DLGAP2: variants seen among roughly 807,000 people sequenced by gnomAD.
DLGAP2 encodes the protein disks large-associated protein 2.
Under a neutral mutation model 100.3 loss-of-function variants are expected in DLGAP2, and 26 were observed. The ratio of observed to expected loss-of-function variants is 0.26; its 90% confidence interval spans 0.19 to 0.36. The LOEUF is 0.36. DLGAP2 is among the 10% of genes least tolerant of loss of function. The probability of loss-of-function intolerance (pLI) is 1.00; values close to 1 mark genes in which losing one functional copy is unlikely to be tolerated. For synonymous variants in DLGAP2, 886 were observed against 630.1 expected (o/e 1.41, Z -6.08); for missense variants, 1,858 against 1,453.2 (o/e 1.28, Z -4.53).
At position 1,050,444 on chromosome 8, in the gene DLGAP2, C is replaced by T. The variant is rs1441330763; in HGVS notation, c.73+142478C>T. ...TGTAAGCTGATGCGTGTGTTCTGTG[C>T]ACATTCACGCTGGGCAAAGCTGAGC... On this transcript the variant is annotated intron_variant, in intron 2 of 14. Transcript: ENST00000637795. Among the ~76,000 whole-genome samples the T allele has an allele frequency of 2.0e-5, 3 of 152,174 alleles. No homozygotes were observed. The East Asian group carries it at 5.8e-4, about 29-fold the overall frequency.
intron 1 of DLGAP2, among the ~76,000 whole-genome samples, chr8:757,794 G>T (rs924447414): frequency 4.6e-5 from 7 of 152,202 alleles, no homozygotes; most frequent in Admixed American, 2.6e-4. Context: ...ATTCCCTGGT[G>T]CTCTGCATGA....
chr8:986,254 C>A (rs1316233634), intron 2 of DLGAP2, among the ~76,000 whole-genome samples: 9 of 152,162 alleles, frequency 5.9e-5, no homozygotes, highest in Admixed American at 5.9e-4. Flanking sequence ...CTGTGTCAGC[C>A]TGTTGAGCTG....
intron 2 of DLGAP2, among the ~76,000 whole-genome samples, chr8:1,093,538 C>T (rs574557760): frequency 2.6e-5 from 4 of 152,146 alleles, no homozygotes; most frequent in Admixed American, 2.0e-4. Flanking sequence ...CACCTTCACA[C>T]CAACAGCCAG....
intron 2 of DLGAP2, among the ~76,000 whole-genome samples, chr8:1,162,837 G>A (rs114767470): frequency 2.3e-4 from 35 of 152,320 alleles, no homozygotes; most frequent in African/African-American, 8.2e-4. Context: ...TCCCCTGGGT[G>A]CTGCTGTGGG....
chr8:1,576,347 C>A (rs1178468498), intron 6 of DLGAP2, among the ~76,000 whole-genome samples: 8 of 152,154 alleles, frequency 5.3e-5, no homozygotes, highest in Admixed American at 2.0e-4. Flanking sequence ...TATTTGAGTT[C>A]TTTGTAGATT....
chr8:1,392,121 C>G (rs1371394765), intron 3 of DLGAP2, among the ~76,000 whole-genome samples: 1 of 152,226 alleles, frequency 6.6e-6, no homozygotes, highest in Non-Finnish European at 1.5e-5. Context: ...ATTGCCTTAT[C>G]TACATCTCTA....
intron 14 of DLGAP2, 83 bp downstream of exon 14, chr8:1,697,382 A>G (rs1799428056): frequency 6.7e-7 from 1 of 1,496,080 alleles, no homozygotes. Context: ...GAGCATGACA[A>G]CGGGGTTCTC....
intron 1 of DLGAP2, among the ~76,000 whole-genome samples, chr8:758,737 T>C (rs1820983835): frequency 6.6e-6 from 1 of 152,046 alleles, no homozygotes; most frequent in African/African-American, 2.4e-5. Flanking sequence ...AATTTTTGTA[T>C]TTTTTGTAGA....
At chr8:1,632,705 A>G in intron 7 of DLGAP2, 122 bp from the exon 8 acceptor site, 1 of 906,076 alleles carries the variant, frequency 1.1e-6, no homozygotes, top group Non-Finnish European at 1.7e-6. Context: ...CTTCAGGTTA[A>G]CTGTGCTGAA....
At chr8:912,105 T>C (rs1482249260) in intron 2 of DLGAP2, among the ~76,000 whole-genome samples, 1 of 152,202 alleles carries the variant, frequency 6.6e-6, no homozygotes, top group Non-Finnish European at 1.5e-5. Flanking sequence ...CCCATTCTAC[T>C]GCCACGAATA....
intron 6 of DLGAP2, among the ~76,000 whole-genome samples, chr8:1,601,944 G>GT (rs1563249561): frequency 2.0e-3 from 231 of 114,564 alleles, no homozygotes; most frequent in African/African-American, 7.5e-3. Flanking sequence ...TAATTTAACA[G>GT]GGTGTGTGTG....
intron 3 of DLGAP2, among the ~76,000 whole-genome samples, chr8:1,337,154 GTGATGATGGTGGTGATGA>G (rs1210011486): frequency 6.8e-6 from 1 of 147,608 alleles, no homozygotes; most frequent in Non-Finnish European, 1.5e-5. Context: ...GAGAATGATG[GTGATGATGGTGGTGATGA>G]TGATGATGGT....
At chr8:814,234 T>G (rs78327571) in intron 1 of DLGAP2, among the ~76,000 whole-genome samples, 37,118 of 152,128 alleles carry the variant, frequency 0.24, 4,998 homozygotes, top group Admixed American at 0.42. Context: ...TTTTGGTAAC[T>G]GAGTTAAGCG....
intron 1 of DLGAP2, among the ~76,000 whole-genome samples, chr8:829,615 G>C (rs1367697934): frequency 6.6e-6 from 1 of 152,138 alleles, no homozygotes; most frequent in Non-Finnish European, 1.5e-5. Context: ...TATTTTGTCA[G>C]TTATTTCTTT....
At chr8:1,351,864 T>C (rs1801736058) in intron 3 of DLGAP2, among the ~76,000 whole-genome samples, 1 of 87,968 alleles carries the variant, frequency 1.1e-5, no homozygotes, top group Non-Finnish European at 2.3e-5. Flanking sequence ...GGAAAGGCCG[T>C]GCAGGTCCTG....
chr8:1,315,874 C>G, intron 3 of DLGAP2, among the ~76,000 whole-genome samples: 1 of 130,944 alleles, frequency 7.6e-6, no homozygotes, highest in African/African-American at 2.8e-5. Context: ...GTCTCTCCAA[C>G]GGTGGTCTAC....
intron 2 of DLGAP2, among the ~76,000 whole-genome samples, chr8:1,181,598 C>A (rs1482087716): frequency 6.6e-6 from 1 of 151,946 alleles, no homozygotes; most frequent in Non-Finnish European, 1.5e-5. Context: ...AGGCTTAATA[C>A]CTGGGGGGTG....
intron 2 of DLGAP2, among the ~76,000 whole-genome samples, chr8:1,220,692 C>T (rs182197428): frequency 2.6e-5 from 4 of 152,282 alleles, no homozygotes; most frequent in Non-Finnish European, 5.9e-5. Flanking sequence ...GTAACACTGT[C>T]AGTGAGATGT....
At chr8:1,182,752 C>G (rs966170469) in intron 2 of DLGAP2, among the ~76,000 whole-genome samples, 6 of 152,220 alleles carry the variant, frequency 3.9e-5, no homozygotes, top group Non-Finnish European at 7.3e-5. Context: ...TTCTGCAGAG[C>G]TCACACTATC....
Sources: gnomAD v4.1 joint callset for allele counts (sites outside exome capture counted in the v4.1 genomes callset) on GRCh38, gnomAD v4.1.1 for gene constraint, MANE v1.5 for transcripts, NCBI Gene and HGNC (gene_info 2026-07-23, HGNC 2026-07-21) for gene names.